The following NAA11 variants were observed in gnomAD, a reference collection of about 807,000 sequenced individuals.
NAA11 encodes N-alpha-acetyltransferase 11.
Under a neutral mutation model 16.1 loss-of-function variants are expected in NAA11, and 15 were observed. The ratio of observed to expected loss-of-function variants is 0.93; its 90% CI spans 0.62 to 1.44. NAA11 has a LOEUF of 1.44. Among genes scored for constraint, NAA11 ranks in the 40% most tolerant of loss-of-function variants. The pLI is 0.00. For synonymous variants in NAA11, 122 were observed against 112.4 expected (o/e 1.09, Z -0.54); for missense variants, 298 against 291.3 (o/e 1.02, Z -0.17).
chr4:79,323,380 AT>A (rs769880735), intron 1 of NAA11, among the ~76,000 whole-genome samples: 284 of 152,336 alleles, frequency 1.9e-3, no homozygotes, highest in Non-Finnish European at 2.8e-3. Context: ...TAGTATTAGC[AT>A]AAGTGTGTAT....
At chr4:79,275,243 G>C (rs1363113554) in intron 2 of NAA11, among the ~76,000 whole-genome samples, 2 of 152,038 alleles carry the variant, frequency 1.3e-5, no homozygotes, top group Non-Finnish European at 2.9e-5. Context: ...ATGAAATATA[G>C]TATTATCTAT....
chr4:79,182,180 T>C, the NAA11 span, among the ~76,000 whole-genome samples: 5 of 152,128 alleles, frequency 3.3e-5, no homozygotes, highest in Non-Finnish European at 5.9e-5. Context: ...GCTAAACTCA[T>C]CATTTTTGCA....
the NAA11 span, among the ~76,000 whole-genome samples, chr4:79,205,809 A>G: frequency 1.3e-5 from 2 of 152,028 alleles, no homozygotes; most frequent in Non-Finnish European, 2.9e-5. Context: ...ATAGGAATCC[A>G]GTTTTATTCT....
intron 2 of NAA11, among the ~76,000 whole-genome samples, chr4:79,250,594 C>A (rs1015009815): frequency 6.6e-6 from 1 of 152,080 alleles, no homozygotes; most frequent in East Asian, 1.9e-4. Context: ...GATGAAGACG[C>A]CAAAAGCAAT....
At chr4:79,214,169 T>C in the NAA11 span, among the ~76,000 whole-genome samples, 1 of 152,224 alleles carries the variant, frequency 6.6e-6, no homozygotes, top group Non-Finnish European at 1.5e-5. Context: ...CTGCTTGATT[T>C]CCAATACACA....
At chr4:79,307,793 T>C (rs1201227151) in intron 1 of NAA11, among the ~76,000 whole-genome samples, 1 of 152,200 alleles carries the variant, frequency 6.6e-6, no homozygotes, top group African/African-American at 2.4e-5. Context: ...TTATTTATAT[T>C]GTAAGAGACT....
At chr4:79,169,554 T>C in the NAA11 span, among the ~76,000 whole-genome samples, 4 of 150,018 alleles carry the variant, frequency 2.7e-5, no homozygotes, top group African/African-American at 9.9e-5. Context: ...GCTAGCCATA[T>C]GCAGAAAACT....
chr4:79,302,689 A>G (rs969073726), intron 1 of NAA11, among the ~76,000 whole-genome samples: 2 of 152,150 alleles, frequency 1.3e-5, no homozygotes, highest in Non-Finnish European at 2.9e-5. Flanking sequence ...AATAAAAGTG[A>G]TATGTGTAAC....
intron 1 of NAA11, among the ~76,000 whole-genome samples, chr4:79,322,984 CA>C (rs546915918): frequency 2.1e-4 from 32 of 149,560 alleles, no homozygotes; most frequent in Middle Eastern, 3.4e-3. Flanking sequence ...CATTAAAATG[CA>C]AAAAAAAAGT....
At chr4:79,188,672 T>C in the NAA11 span, among the ~76,000 whole-genome samples, 7 of 152,240 alleles carry the variant, frequency 4.6e-5, no homozygotes, top group Admixed American at 2.0e-4. Context: ...TTCGGAGATA[T>C]AAATGTGATG....
the NAA11 span, among the ~76,000 whole-genome samples, chr4:79,185,307 A>G: frequency 1.3e-5 from 2 of 152,326 alleles, no homozygotes; most frequent in South Asian, 4.1e-4. Flanking sequence ...ATGCCAAGAC[A>G]GCTGGTCTCT....
At chr4:79,204,271 T>C in the NAA11 span, among the ~76,000 whole-genome samples, 1 of 151,818 alleles carries the variant, frequency 6.6e-6, no homozygotes, top group East Asian at 1.9e-4. Context: ...CACGCAACAA[T>C]GAAGGTTTTA....
chr4:79,231,342 G>A (rs1269146799), intron 2 of NAA11, among the ~76,000 whole-genome samples: 1 of 151,832 alleles, frequency 6.6e-6, no homozygotes, highest in African/African-American at 2.4e-5. Context: ...TACTGGATTG[G>A]CCTTTAATTT....
chr4:79,322,714 T>C (rs960711286), intron 1 of NAA11, among the ~76,000 whole-genome samples: 1 of 152,172 alleles, frequency 6.6e-6, no homozygotes, highest in Non-Finnish European at 1.5e-5. Context: ...AAGACAGGTG[T>C]AAATTTGACA....
chr4:79,195,579 T>C, the NAA11 span, among the ~76,000 whole-genome samples: 2 of 151,976 alleles, frequency 1.3e-5, no homozygotes, highest in African/African-American at 4.8e-5. Flanking sequence ...ATAAAGCAGC[T>C]AAAAAAACTG....
intron 2 of NAA11, among the ~76,000 whole-genome samples, chr4:79,276,611 G>T (rs1041706840): frequency 3.3e-5 from 5 of 152,272 alleles, no homozygotes; most frequent in South Asian, 2.1e-4. Context: ...TCCCCAAGTG[G>T]ATGTGTGGTG....
downstream of NAA11, among the ~76,000 whole-genome samples, chr4:79,224,684 A>G (rs1035356563): frequency 6.6e-6 from 1 of 152,050 alleles, no homozygotes; most frequent in African/African-American, 2.4e-5. Flanking sequence ...TATGTTATGA[A>G]GGGATTGTGG....
the NAA11 span, among the ~76,000 whole-genome samples, chr4:79,194,867 A>G: frequency 1.3e-5 from 2 of 152,124 alleles, no homozygotes; most frequent in Admixed American, 6.6e-5. Flanking sequence ...ACTAAGACAT[A>G]TAGTAGTTAA....
intron 2 of NAA11, among the ~76,000 whole-genome samples, chr4:79,243,697 A>G (rs890708977): frequency 3.3e-5 from 5 of 152,256 alleles, no homozygotes; most frequent in Admixed American, 1.3e-4. Flanking sequence ...CTCAGAAGAA[A>G]GAATTCAACT....
Sources: allele counts gnomAD v4.1 joint callset (sites outside exome capture counted in the v4.1 genomes callset), GRCh38; gene constraint gnomAD v4.1.1; transcripts MANE v1.5; gene names NCBI Gene and HGNC (gene_info 2026-07-23, HGNC 2026-07-21).